Variants in EYS observed in about 807,000 individuals in gnomAD.
The protein encoded by EYS is EGF-like photoreceptor maintenance factor, also known as protein eyes shut homolog.
EYS carries 250 observed loss-of-function variants against 282.1 expected under a neutral mutation model. The observed-to-expected ratio is 0.89, with a 90% CI of 0.80 to 0.98. EYS has a LOEUF of 0.98. EYS is among the 50% of genes least tolerant of loss of function. The probability of loss-of-function intolerance (pLI) is 0.00; values close to 1 mark genes in which losing one functional copy is unlikely to be tolerated. For missense variants in EYS, 4,016 were observed against 3,709.0 expected (o/e 1.08, Z -2.15); for synonymous variants, 1,355 against 1,282.9 (o/e 1.06, Z -1.20).
At chr6:65,525,355 A>G (rs1387612527) in intron 2 of EYS, among the ~76,000 whole-genome samples, 1 of 152,136 alleles carries the variant, frequency 6.6e-6, no homozygotes, top group Non-Finnish European at 1.5e-5. Flanking sequence ...TTATTTGCCC[A>G]TTCAGAAAGG....
intron 29 of EYS, among the ~76,000 whole-genome samples, chr6:64,345,476 G>C (rs1292486185): frequency 5.3e-5 from 8 of 152,086 alleles, no homozygotes; most frequent in Non-Finnish European, 1.2e-4. Context: ...AATAAATGGT[G>C]CTGGGAAAAC....
chr6:64,659,451 G>T (rs921329290), intron 22 of EYS, among the ~76,000 whole-genome samples: 1 of 151,914 alleles, frequency 6.6e-6, no homozygotes. Context: ...CCAGGAGCTG[G>T]TTTTTTGAAA....
chr6:65,395,042 T>C (rs2150359255), intron 7 of EYS, among the ~76,000 whole-genome samples: 1 of 152,322 alleles, frequency 6.6e-6, no homozygotes, highest in South Asian at 2.1e-4. Flanking sequence ...TTCTCTAATG[T>C]AATCCCAACC....
intron 12 of EYS, among the ~76,000 whole-genome samples, chr6:65,255,584 T>C (rs1277035848): frequency 6.6e-6 from 1 of 151,676 alleles, no homozygotes; most frequent in Non-Finnish European, 1.5e-5. Flanking sequence ...ATACACAGAA[T>C]GGAAAAAAGT....
At chr6:65,663,746 A>G (rs1450750845) in intron 1 of EYS, among the ~76,000 whole-genome samples, 1 of 151,976 alleles carries the variant, frequency 6.6e-6, no homozygotes, top group Non-Finnish European at 1.5e-5. Flanking sequence ...CAGTGGCACG[A>G]TCTCAGCTCA....
chr6:63,741,022 A>G (rs1404622494), intron 41 of EYS, among the ~76,000 whole-genome samples: 1 of 152,214 alleles, frequency 6.6e-6, no homozygotes, highest in African/African-American at 2.4e-5. Flanking sequence ...AGAAATCCAT[A>G]TAGGTTAATT....
chr6:64,542,339 C>T (rs1163164996), intron 26 of EYS, among the ~76,000 whole-genome samples: 1 of 151,990 alleles, frequency 6.6e-6, no homozygotes, highest in Non-Finnish European at 1.5e-5. Context: ...ATTTATTATT[C>T]TGCCTATTTG....
intron 35 of EYS, among the ~76,000 whole-genome samples, chr6:63,911,022 G>A (rs1282298544): frequency 6.6e-6 from 1 of 151,854 alleles, no homozygotes; most frequent in Non-Finnish European, 1.5e-5. Flanking sequence ...CTTTATCAGT[G>A]AGAGAGAAAC....
At chr6:64,633,395 A>G (rs922922520) in intron 22 of EYS, among the ~76,000 whole-genome samples, 2 of 152,140 alleles carry the variant, frequency 1.3e-5, no homozygotes, top group African/African-American at 4.8e-5. Context: ...TATTGACAGT[A>G]TTTAAACTTC....
At chr6:65,328,072 A>G (rs1414252396) in intron 11 of EYS, among the ~76,000 whole-genome samples, 2 of 151,540 alleles carry the variant, frequency 1.3e-5, no homozygotes, top group Non-Finnish European at 3.0e-5. Flanking sequence ...TTATACACAC[A>G]TTAACATATG....
At position 65,495,020 on chromosome 6, in the gene EYS, T is replaced by C. The variant is rs1220730580; in HGVS notation, c.391A>G (p.Lys131Glu). The change falls in exon 4 of 43, where the codon AAA becomes GAA. Residue 131 changes from lysine to glutamate, a missense_variant. Lys to Glu is a moderately conservative substitution (Grantham distance 56, BLOSUM62 1). Transcript: ENST00000503581. ...TTAGAATTAACAGTGTGCATTCCTT[T>C]TAGTCTGCAGCCAAAAAGTAACTGA... ...EDQLLFGCRLKGMHTVNSKWL... is the reference protein window; with the variant it reads ...EDQLLFGCRLEGMHTVNSKWL... The C allele has an allele frequency of 6.2e-7, 1 of 1,614,120 alleles. No individual in the cohort carries two copies. Among genetic ancestry groups the C allele is most frequent in the African/African-American group, 1.3e-5 (1 of 74,948 alleles).
rs796999871 is a variant in EYS at position 63,859,111 on chromosome 6, T to TTTTTTTTTTTTA, written c.7228+5074_7228+5075insTAAAAAAAAAAA. On this transcript the variant is annotated intron_variant, in intron 36 of 42. Coordinates refer to ENST00000503581, the MANE Select transcript of EYS (RefSeq NM_001142800.2). The stretch of plus-strand genomic sequence containing the variant: ...TTTTTTTTTTTTTTTTTTTTTTTTT[T>TTTTTTTTTTTTA]AATAGCTGGGATGGAGATGCAGCCT... Among the ~76,000 whole-genome samples the TTTTTTTTTTTTA allele has an allele frequency of 6.5e-4, 46 of 71,204 alleles. 13 individuals are homozygous for TTTTTTTTTTTTA. The highest frequency in any genetic ancestry group is 2.5e-3 in the African/African-American group (40 of 15,790). 46.7% of individuals were successfully genotyped at this position (71,204 alleles called of 152,430 possible).
At chr6:64,311,870 C>A (rs1407104263) in intron 29 of EYS, among the ~76,000 whole-genome samples, 1 of 152,112 alleles carries the variant, frequency 6.6e-6, no homozygotes, top group Non-Finnish European at 1.5e-5. Flanking sequence ...ACAGTCTTCA[C>A]AACCGGCAGA....
At chr6:64,739,906 T>C (rs1772313106) in intron 22 of EYS, among the ~76,000 whole-genome samples, 2 of 152,112 alleles carry the variant, frequency 1.3e-5, no homozygotes, top group Admixed American at 1.3e-4. Context: ...GGAAATAATG[T>C]TTTTAAACTC....
At chr6:65,120,182 A>T (rs1180595665) in intron 12 of EYS, among the ~76,000 whole-genome samples, 1 of 151,058 alleles carries the variant, frequency 6.6e-6, no homozygotes, top group East Asian at 1.9e-4. Context: ...ACAAATTTAA[A>T]AAAAACCCCA....
intron 26 of EYS, among the ~76,000 whole-genome samples, chr6:64,470,813 A>C (rs995047040): frequency 1.3e-5 from 2 of 152,318 alleles, no homozygotes; most frequent in African/African-American, 4.8e-5. Context: ...TAAGAATAAA[A>C]AAAGCCAACA....
chr6:64,503,933 GCT>G lies in EYS; in HGVS notation c.5645-64583_5645-64582del, dbSNP rs1021915885. On this transcript the variant is annotated intron_variant, in intron 26 of 42. Transcript: ENST00000503581. ...AAAAGTGTGTGGCACATCCCCCTTG[GCT>G]CTCTCTCTCTCCTGCTCCACCACGG... Among the ~76,000 whole-genome samples the G allele has an allele frequency of 5.5e-3, 838 of 151,822 alleles. 7 individuals carry two copies. The highest frequency in any genetic ancestry group is 0.018 in the African/African-American group (749 of 41,426).
chr6:64,459,968 C>A (rs9362870), intron 26 of EYS, among the ~76,000 whole-genome samples: 35,955 of 150,700 alleles, frequency 0.24, 4,842 homozygotes, highest in East Asian at 0.39. Flanking sequence ...AAAGACAAAA[C>A]CCCAAAAACT....
chr6:64,307,164 G>T lies in EYS; in HGVS notation c.6079-82C>A, dbSNP rs56884225. 9.5e-3 allele frequency: 6,708 copies of T among 705,424 alleles called. 308 individuals carry two copies. The African/African-American group carries it at 0.11, about 11-fold the overall frequency. 43.7% of individuals were successfully genotyped at this position (705,424 alleles called of 1,614,324 possible). ...TATTATTCTTGCTTCAAACTGGTCA[G>T]GGTATGCAACTGGATTTGGAGGCTG... is the stretch of plus-strand genomic sequence containing the variant. On this transcript the variant is annotated intron_variant, in intron 29 of 42. Coordinates refer to ENST00000503581, the MANE Select transcript of EYS (RefSeq NM_001142800.2).
Sources: allele counts gnomAD v4.1 joint callset (sites outside exome capture counted in the v4.1 genomes callset), GRCh38; gene constraint gnomAD v4.1.1; transcripts MANE v1.5; gene names NCBI Gene and HGNC (gene_info 2026-07-23, HGNC 2026-07-21).